ITGB3BP: variants seen among roughly 807,000 people sequenced by gnomAD.
ITGB3BP encodes centromere protein R.
Under a neutral mutation model 29.1 loss-of-function variants are expected in ITGB3BP, and 27 were observed. That is an observed-to-expected ratio of 0.93 (90% CI 0.68 to 1.28). The LOEUF (loss-of-function observed/expected upper bound fraction) is 1.28, where lower values mean the gene tolerates loss of function less well. Among genes scored for constraint, ITGB3BP ranks in the 50% most tolerant of loss-of-function variants. ITGB3BP has a pLI of 0.00. For missense variants in ITGB3BP, 192 were observed against 200.2 expected, an observed-to-expected ratio of 0.96 and a Z score of 0.25; for synonymous variants, 61 against 61.4, an observed-to-expected ratio of 0.99 and a Z score of 0.03.
intron 4 of ITGB3BP, among the ~76,000 whole-genome samples, chr1:63,465,335 A>C (rs934382563): frequency 3.3e-5 from 5 of 152,126 alleles, no homozygotes; most frequent in African/African-American, 1.2e-4. Context: ...GTAAATTTAA[A>C]ATTATTTAAG....
At chr1:63,459,904 A>C (rs1644988892) in intron 4 of ITGB3BP, among the ~76,000 whole-genome samples, 1 of 152,172 alleles carries the variant, frequency 6.6e-6, no homozygotes, top group Non-Finnish European at 1.5e-5. Context: ...GAAGGTCAGA[A>C]ATATGCATTT....
Position 63,528,924 on chromosome 1 carries a change from T to C in ITGB3BP, n.253+207A>G, listed in dbSNP as rs560598373. 5.8e-4 allele frequency among the ~76,000 whole-genome samples: 89 copies of C among 152,224 alleles called. 1 individual carries two copies. Among genetic ancestry groups the C allele is most frequent in the African/African-American group, 2.0e-3 (82 of 41,550 alleles). ...AGTGTAGCAATATGATAAACATCTT[T>C]GCACACTAAGCCTTTTTAAAATAAA... On this transcript the variant is annotated intron_variant and non_coding_transcript_variant, in intron 2 of 4. Coordinates refer to the ITGB3BP transcript ENST00000478138.
intron 1 of ITGB3BP, among the ~76,000 whole-genome samples, chr1:63,521,162 C>T (rs1646435745): frequency 6.6e-6 from 1 of 151,972 alleles, no homozygotes; most frequent in Non-Finnish European, 1.5e-5. Flanking sequence ...CAAATAGTCA[C>T]CATTTCAACA....
At chr1:63,508,349 T>C (rs1454708277) in intron 2 of ITGB3BP, among the ~76,000 whole-genome samples, 179 bp downstream of exon 2, 1 of 152,068 alleles carries the variant, frequency 6.6e-6, no homozygotes, top group Non-Finnish European at 1.5e-5. Context: ...CTTCCACATA[T>C]TAGATTCACA....
At chr1:63,505,961 G>A (rs1487876604) in intron 2 of ITGB3BP, among the ~76,000 whole-genome samples, 1 of 152,140 alleles carries the variant, frequency 6.6e-6, no homozygotes. Flanking sequence ...GAATAAGTGT[G>A]GTGTGGTGCT....
chr1:63,522,959 G>A (rs769818176), intron 1 of ITGB3BP, 170 bp downstream of exon 1: 2 of 811,490 alleles, frequency 2.5e-6, no homozygotes, highest in South Asian at 2.7e-5. Flanking sequence ...AGTACCGCTG[G>A]AGGAGACGTA....
At chr1:63,492,029 A>G (rs1645659497) in intron 2 of ITGB3BP, among the ~76,000 whole-genome samples, 1 of 152,128 alleles carries the variant, frequency 6.6e-6, no homozygotes, top group South Asian at 2.1e-4. Context: ...GAAAGTCACT[A>G]CCCTAATGTA....
chr1:63,518,158 T>C (rs1646376068), intron 1 of ITGB3BP, among the ~76,000 whole-genome samples: 1 of 152,214 alleles, frequency 6.6e-6, no homozygotes, highest in African/African-American at 2.4e-5. Context: ...CTATAGGTTT[T>C]TCAAAGAAAT....
At chr1:63,500,201 A>C (rs1292566971) in intron 2 of ITGB3BP, among the ~76,000 whole-genome samples, 1 of 152,140 alleles carries the variant, frequency 6.6e-6, no homozygotes, top group Non-Finnish European at 1.5e-5. Context: ...AATGTGGTGA[A>C]ACCCTGTCTC....
intron 2 of ITGB3BP, among the ~76,000 whole-genome samples, chr1:63,506,754 C>T (rs1054320149): frequency 3.3e-5 from 5 of 152,198 alleles, no homozygotes; most frequent in African/African-American, 1.2e-4. Context: ...TAAGGGCCAT[C>T]TCTTTCCCTT....
In ITGB3BP at chr1:63,453,985, T is replaced by C. The variant is rs754298328; in HGVS notation, c.428-11A>G. On this transcript the variant is annotated splice_polypyrimidine_tract_variant and intron_variant, in intron 6 of 8. Transcript: ENST00000271002. ...TATTCACTTTTGTCACTAAAAGAAG[T>C]AAAAATCCCATGTCAAGAATTAACA... The C allele has an allele frequency of 6.6e-7, 1 of 1,518,484 alleles. No individual in the cohort carries two copies. The highest frequency in any genetic ancestry group is 9.1e-7 in the Non-Finnish European group (1 of 1,100,428). 94.1% of individuals were successfully genotyped at this position (1,518,484 alleles called of 1,614,324 possible).
upstream of ITGB3BP, among the ~76,000 whole-genome samples, chr1:63,526,220 T>C (rs972775715): frequency 1.3e-5 from 2 of 152,130 alleles, no homozygotes; most frequent in Non-Finnish European, 2.9e-5. Flanking sequence ...ATTTCTTATT[T>C]TTATTTTTTG....
chr1:63,441,683 T>A (rs566048135), intron 8 of ITGB3BP, among the ~76,000 whole-genome samples: 3 of 152,214 alleles, frequency 2.0e-5, no homozygotes, highest in Non-Finnish European at 4.4e-5. Context: ...AGAAAACTTA[T>A]TTACATGCCT....
intron 3 of ITGB3BP, among the ~76,000 whole-genome samples, chr1:63,481,911 G>A (rs1486910328): frequency 1.3e-5 from 2 of 152,154 alleles, no homozygotes; most frequent in Non-Finnish European, 1.5e-5. Flanking sequence ...TAAAGTTAGT[G>A]AGTGAGGATT....
chr1:63,464,724 A>T (rs1645071844), intron 4 of ITGB3BP, among the ~76,000 whole-genome samples: 1 of 152,240 alleles, frequency 6.6e-6, no homozygotes, highest in Non-Finnish European at 1.5e-5. Context: ...CCTGGTGAAC[A>T]TCACTGTAAT....
At chr1:63,513,678 A>G (rs1646250387) in intron 1 of ITGB3BP, among the ~76,000 whole-genome samples, 1 of 152,172 alleles carries the variant, frequency 6.6e-6, no homozygotes, top group Non-Finnish European at 1.5e-5. Context: ...GTATATTTTT[A>G]AAAACTATGA....
rs188022997 is a variant in ITGB3BP, at chr1:63,475,537, A to G, written c.254+3227T>C. 4.9e-4 allele frequency among the ~76,000 whole-genome samples: 75 copies of G among 152,322 alleles called. 1 individual carries two copies. Among genetic ancestry groups the G allele is most frequent in the African/African-American group, 1.6e-3 (67 of 41,578 alleles). On this transcript the variant is annotated intron_variant, in intron 4 of 8. Coordinates refer to ENST00000271002, the MANE Select transcript of ITGB3BP (RefSeq NM_014288.5). ...GCCACTGCACTTCAGCATGGGTGAC[A>G]GAGCATGACTCTGTTTCTTAAGAAA...
intron 2 of ITGB3BP, among the ~76,000 whole-genome samples, chr1:63,505,988 C>T (rs1646068742): frequency 6.6e-6 from 1 of 152,196 alleles, no homozygotes; most frequent in Non-Finnish European, 1.5e-5. Flanking sequence ...AATGTATATT[C>T]TGTTGATTTG....
chr1:63,515,292 T>G, intron 1 of ITGB3BP, among the ~76,000 whole-genome samples: 1 of 152,208 alleles, frequency 6.6e-6, no homozygotes, highest in East Asian at 1.9e-4. Context: ...GCTGCTTTGG[T>G]ACCTTTGTGG....
Sources: allele counts gnomAD v4.1 joint callset (sites outside exome capture counted in the v4.1 genomes callset), GRCh38; gene constraint gnomAD v4.1.1; transcripts MANE v1.5; gene names NCBI Gene and HGNC (gene_info 2026-07-23, HGNC 2026-07-21).